Variants in RUNX1T1 observed in about 807,000 individuals in gnomAD.
The protein encoded by RUNX1T1 is protein CBFA2T1.
Under a neutral mutation model 62.8 loss-of-function variants are expected in RUNX1T1, and 4 were observed. The observed-to-expected ratio is 0.06, with a 90% CI of 0.03 to 0.15. The LOEUF (loss-of-function observed/expected upper bound fraction) is 0.15. Ranked by LOEUF, RUNX1T1 falls within the 10% of genes least tolerant of loss-of-function variation. The probability of loss-of-function intolerance (pLI) is 1.00; values close to 1 mark genes in which losing one functional copy is unlikely to be tolerated. For missense variants in RUNX1T1, 508 were observed against 754.3 expected, an observed-to-expected ratio of 0.67 and a Z score of 3.82; for synonymous variants, 291 against 286.0, an observed-to-expected ratio of 1.02 and a Z score of -0.18.
At chr8:91,986,097 C>T (rs748858458) in intron 8 of RUNX1T1, 27 bp downstream of exon 9, 16 of 1,476,816 alleles carry the variant, frequency 1.1e-5, no homozygotes, top group South Asian at 4.5e-5. Flanking sequence ...TATGTGTTTT[C>T]GAGATACTCA....
intron 1 of RUNX1T1, among the ~76,000 whole-genome samples, chr8:92,035,624 G>A (rs1322992079): frequency 6.6e-6 from 1 of 152,088 alleles, no homozygotes; most frequent in Non-Finnish European, 1.5e-5. Flanking sequence ...TTCTACATCA[G>A]TGAATACTTT....
chr8:92,011,313 T>A (rs984179456), intron 3 of RUNX1T1, among the ~76,000 whole-genome samples: 1 of 152,254 alleles, frequency 6.6e-6, no homozygotes, highest in Admixed American at 6.5e-5. Context: ...AAACACATTA[T>A]GTATAGTACT....
chr8:92,066,264 C>G (rs553469847), upstream of RUNX1T1, among the ~76,000 whole-genome samples: 60 of 152,206 alleles, frequency 3.9e-4, no homozygotes, highest in Non-Finnish European at 7.1e-4. Flanking sequence ...CAAAGTGGCA[C>G]ACCAGCTTGA....
At chr8:91,982,479 G>A (rs1815542306) in intron 8 of RUNX1T1, among the ~76,000 whole-genome samples, 1 of 152,164 alleles carries the variant, frequency 6.6e-6, no homozygotes. Context: ...ATTCTGACAA[G>A]CACTTCGGAA....
In RUNX1T1 at chr8:91,986,209, G is replaced by A. The variant is rs201685328; in HGVS notation, c.1113C>T (p.Asp371=). 14 of 1,613,964 alleles carry A rather than the reference G, an allele frequency of 8.7e-6. No homozygotes were observed. The African/African-American group carries it at 1.1e-4, about 12-fold the overall frequency. ...CGCCACCTTTTTTTAAGTCCTCGGCGTCACTGTACCGCCGGATCCAGTAAT... is the reference window on the plus strand; with the variant it reads ...CGCCACCTTTTTTTAAGTCCTCGGCATCACTGTACCGCCGGATCCAGTAAT... The change falls in exon 8 of 11, where the codon GAC becomes GAT. Residue 371 remains aspartate (D), a synonymous_variant. Coordinates refer to ENST00000396218, the Ensembl canonical transcript of RUNX1T1.
chr8:91,984,630 C>T (rs1166283817), intron 8 of RUNX1T1, among the ~76,000 whole-genome samples: 2 of 152,132 alleles, frequency 1.3e-5, no homozygotes, highest in Non-Finnish European at 2.9e-5. Flanking sequence ...TTTTAACTCC[C>T]TAAGTTTTAT....
At chr8:92,029,128 T>C (rs1398420152) in intron 1 of RUNX1T1, among the ~76,000 whole-genome samples, 2 of 152,280 alleles carry the variant, frequency 1.3e-5, no homozygotes, top group East Asian at 1.9e-4. Flanking sequence ...GGCTAAATCG[T>C]AGACAAGCAA....
chr8:92,045,065 T>C (rs1237412195), intron 1 of RUNX1T1, among the ~76,000 whole-genome samples: 5 of 115,746 alleles, frequency 4.3e-5, no homozygotes, highest in Admixed American at 2.9e-4. Context: ...ACACTGGCTC[T>C]ACAAAAAAAA....
chr8:92,047,829 T>G (rs1488178994), intron 1 of RUNX1T1, among the ~76,000 whole-genome samples: 1 of 151,820 alleles, frequency 6.6e-6, no homozygotes, highest in African/African-American at 2.4e-5. Context: ...AATTGCCTCT[T>G]AGGTTATTTT....
At chr8:91,979,558 T>G (rs1814737823) in intron 8 of RUNX1T1, among the ~76,000 whole-genome samples, 2 of 151,836 alleles carry the variant, frequency 1.3e-5, no homozygotes, top group South Asian at 2.1e-4. Context: ...TATAGAAAAG[T>G]CCTTCTAAAT....
downstream of RUNX1T1, chr8:91,955,783 T>C (rs1809272375): frequency 4.4e-6 from 1 of 225,674 alleles, no homozygotes; most frequent in African/African-American, 2.2e-5. Flanking sequence ...GTATATAAGA[T>C]AATCTGTGTT....
At chr8:91,992,355 C>A (rs1324882402) in intron 5 of RUNX1T1, among the ~76,000 whole-genome samples, 1 of 152,178 alleles carries the variant, frequency 6.6e-6, no homozygotes, top group African/African-American at 2.4e-5. Context: ...TATCTAAGAA[C>A]TGTGTTGTCC....
chr8:92,004,679 G>A (rs1820398038), intron 5 of RUNX1T1: 1 of 161,860 alleles, frequency 6.2e-6, no homozygotes, highest in Non-Finnish European at 1.3e-5. Flanking sequence ...CTACTGTACT[G>A]TGTTAAGAAA....
chr8:92,018,008 A>G (rs900827751), intron 1 of RUNX1T1, among the ~76,000 whole-genome samples: 1 of 152,226 alleles, frequency 6.6e-6, no homozygotes, highest in Non-Finnish European at 1.5e-5. Flanking sequence ...TGCCATTTTA[A>G]AAGCATGAAA....
intron 7 of RUNX1T1, 84 bp downstream of exon 8, chr8:91,986,803 C>T: frequency 1.1e-6 from 1 of 895,452 alleles, no homozygotes; most frequent in South Asian, 1.3e-5. Flanking sequence ...TTCAAAGGAT[C>T]ACCAAGCTTT....
chr8:92,071,808 C>A (rs959388992), intron 2 of RUNX1T1, among the ~76,000 whole-genome samples: 1 of 152,154 alleles, frequency 6.6e-6, no homozygotes, highest in Non-Finnish European at 1.5e-5. Flanking sequence ...CCCGAAGCTG[C>A]GGCTCCATGG....
intron 10 of RUNX1T1, among the ~76,000 whole-genome samples, chr8:91,964,520 T>C (rs1263555669): frequency 1.3e-5 from 2 of 152,188 alleles, no homozygotes; most frequent in Admixed American, 6.5e-5. Context: ...TCTACTTGCA[T>C]TGCACTTGAC....
intron 1 of RUNX1T1, chr8:92,095,413 CATT>C: frequency 6.5e-7 from 1 of 1,535,596 alleles, no homozygotes; most frequent in Non-Finnish European, 8.7e-7. Context: ...GCTTTGTATT[CATT>C]AAACACACAT....
Position 92,081,623 on chromosome 8 carries a change from A to T in RUNX1T1, c.-85-5486T>A, listed in dbSNP as rs1259443467. ...GAGACAGAACCAGAATCATTTACAA[A>T]GACTGTTTTCTCCAAATAAAGGCAT... is the stretch of plus-strand genomic sequence containing the variant. On this transcript the variant is annotated intron_variant, in intron 1 of 11. Transcript: ENST00000265814. Among the ~76,000 whole-genome samples the T allele has an allele frequency of 8.6e-5, 13 of 151,936 alleles. No homozygotes were observed. In the East Asian group the frequency reaches 2.5e-3, roughly 29 times the overall value.
Sources: gnomAD v4.1 joint callset for allele counts (sites outside exome capture counted in the v4.1 genomes callset) on GRCh38, gnomAD v4.1.1 for gene constraint, MANE v1.5 for transcripts, NCBI Gene and HGNC (gene_info 2026-07-23, HGNC 2026-07-21) for gene names.